DCC: variants seen among roughly 807,000 people sequenced by gnomAD.
The protein encoded by DCC is DCC netrin 1 receptor, also known as netrin receptor DCC.
A neutral mutation model predicts 172.5 loss-of-function variants in DCC; 58 were observed. The observed-to-expected ratio is 0.34, with a 90% CI of 0.27 to 0.42. The LOEUF (loss-of-function observed/expected upper bound fraction) is 0.42. Ranked by LOEUF, DCC falls within the 10% of genes least tolerant of loss-of-function variation. The pLI is 1.00. For missense variants in DCC, 1,740 were observed against 1,791.0 expected (o/e 0.97, Z 0.51); for synonymous variants, 709 against 644.5 (o/e 1.10, Z -1.52).
intron 12 of DCC, among the ~76,000 whole-genome samples, chr18:53,226,597 T>G (rs1000208727): frequency 2.0e-5 from 3 of 152,056 alleles, no homozygotes; most frequent in African/African-American, 7.2e-5. Flanking sequence ...CAATTCCAAG[T>G]TATATAATAT....
intron 1 of DCC, among the ~76,000 whole-genome samples, chr18:52,436,784 G>T (rs928012296): frequency 1.2e-4 from 19 of 152,104 alleles, no homozygotes; most frequent in African/African-American, 3.9e-4. Context: ...GCTAGGCATG[G>T]TGGTACGCAC....
chr18:52,895,462 A>T (rs565551160), intron 2 of DCC, among the ~76,000 whole-genome samples: 2 of 152,308 alleles, frequency 1.3e-5, no homozygotes, highest in South Asian at 4.1e-4. Flanking sequence ...GTTGCTTGCA[A>T]ATTTCACTGA....
intron 12 of DCC, among the ~76,000 whole-genome samples, chr18:53,246,061 T>C (rs2056361399): frequency 6.6e-6 from 1 of 151,928 alleles, no homozygotes; most frequent in Admixed American, 6.6e-5. Flanking sequence ...ATTGAATAGT[T>C]CTCCCTGAGA....
intron 1 of DCC, among the ~76,000 whole-genome samples, chr18:52,459,885 A>T (rs1014697142): frequency 1.3e-5 from 2 of 150,062 alleles, no homozygotes; most frequent in Non-Finnish European, 3.0e-5. Context: ...TAGTATTCAT[A>T]TATATATATA....
At chr18:52,357,314 C>A (rs765886308) in intron 1 of DCC, among the ~76,000 whole-genome samples, 1 of 151,824 alleles carries the variant, frequency 6.6e-6, no homozygotes, top group African/African-American at 2.4e-5. Flanking sequence ...TCTTGGAGTG[C>A]CAGAAAGGAA....
At chr18:53,203,236 CGTGTGTGT>C (rs1223592248) in intron 9 of DCC, among the ~76,000 whole-genome samples, 2 of 117,338 alleles carry the variant, frequency 1.7e-5, no homozygotes, top group African/African-American at 6.9e-5. Flanking sequence ...TGTGTGTGTG[CGTGTGTGT>C]GTGTATGTAA....
intron 21 of DCC, among the ~76,000 whole-genome samples, chr18:53,429,291 TCAGA>T (rs951709258): frequency 2.0e-5 from 3 of 150,924 alleles, no homozygotes; most frequent in African/African-American, 7.3e-5. Flanking sequence ...CATGCATGCC[TCAGA>T]CAGTCAAGAC....
At chr18:52,498,429 GC>G (rs2030885823) in intron 1 of DCC, among the ~76,000 whole-genome samples, 1 of 152,046 alleles carries the variant, frequency 6.6e-6, no homozygotes, top group Non-Finnish European at 1.5e-5. Flanking sequence ...TTTGAGACCA[GC>G]CTGGCCAACA....
chr18:53,432,079 A>C (rs1568129033), intron 21 of DCC, among the ~76,000 whole-genome samples: 13 of 152,160 alleles, frequency 8.5e-5, no homozygotes, highest in Admixed American at 7.9e-4. Context: ...ATGTGACTGA[A>C]AATAAAACAT....
intron 3 of DCC, among the ~76,000 whole-genome samples, chr18:52,918,250 A>G (rs1050380455): frequency 6.6e-6 from 1 of 152,168 alleles, no homozygotes; most frequent in Non-Finnish European, 1.5e-5. Context: ...TTTATATTCT[A>G]TTAGCTGAAT....
At chr18:53,230,699 G>A (rs1403036614) in intron 12 of DCC, among the ~76,000 whole-genome samples, 3 of 151,886 alleles carry the variant, frequency 2.0e-5, no homozygotes, top group Admixed American at 2.0e-4. Flanking sequence ...TGAATTATAT[G>A]TAAAGGGAGC....
chr18:52,585,331 T>G (rs1035494876), intron 1 of DCC, among the ~76,000 whole-genome samples: 1 of 152,218 alleles, frequency 6.6e-6, no homozygotes, highest in Non-Finnish European at 1.5e-5. Context: ...CATTTTTTCC[T>G]TCACTTTCAG....
intron 14 of DCC, among the ~76,000 whole-genome samples, chr18:53,335,309 A>T (rs945066576): frequency 3.3e-5 from 5 of 152,136 alleles, no homozygotes; most frequent in African/African-American, 1.2e-4. Context: ...ACTTATCAAG[A>T]TCTCACGATT....
chr18:53,505,730 A>T (rs2046165311), intron 27 of DCC, among the ~76,000 whole-genome samples: 1 of 152,222 alleles, frequency 6.6e-6, no homozygotes, highest in African/African-American at 2.4e-5. Flanking sequence ...AGAAGACATA[A>T]TTCGAAACAT....
At chr18:53,246,773 T>C (rs757827055) in intron 12 of DCC, among the ~76,000 whole-genome samples, 1 of 152,020 alleles carries the variant, frequency 6.6e-6, no homozygotes, top group Non-Finnish European at 1.5e-5. Flanking sequence ...GCATGGTATG[T>C]TTTTAGTAGT....
intron 2 of DCC, among the ~76,000 whole-genome samples, chr18:52,772,149 A>G (rs1315558054): frequency 6.6e-6 from 1 of 152,168 alleles, no homozygotes; most frequent in Admixed American, 6.5e-5. Flanking sequence ...TCTCTTTATT[A>G]GAAGTTATTG....
At chr18:53,293,384 C>A (rs969422385) in intron 12 of DCC, among the ~76,000 whole-genome samples, 1 of 152,158 alleles carries the variant, frequency 6.6e-6, no homozygotes, top group Non-Finnish European at 1.5e-5. Context: ...ATTAAGAAGA[C>A]CTCCAACATG....
At chr18:52,921,145 A>G (rs1234444385) in intron 3 of DCC, among the ~76,000 whole-genome samples, 1 of 27,422 alleles carries the variant, frequency 3.6e-5, no homozygotes, top group Non-Finnish European at 1.6e-4. Flanking sequence ...TATGAAAAGT[A>G]AAGGGTGTAA....
At position 53,404,575 on chromosome 18, in the gene DCC, C is replaced by T. The variant is rs1028921581; in HGVS notation, c.2935+1682C>T. Among the ~76,000 whole-genome samples the T allele has an allele frequency of 1.5e-4, 23 of 151,442 alleles. No homozygotes were observed. In the East Asian group the frequency reaches 2.4e-3, roughly 15 times the overall value. ...TGAAACCCTGTCTCTACTAAAAATA[C>T]GAAAAATTAGCCGGGCGTGGTGGTG... On this transcript the variant is annotated intron_variant, in intron 19 of 28. Transcript: ENST00000442544.
Sources: allele counts gnomAD v4.1 joint callset (sites outside exome capture counted in the v4.1 genomes callset), GRCh38; gene constraint gnomAD v4.1.1; transcripts MANE v1.5; gene names NCBI Gene and HGNC (gene_info 2026-07-23, HGNC 2026-07-21).